FLRT2: variants seen among roughly 807,000 people sequenced by gnomAD.
FLRT2 encodes the protein leucine-rich repeat transmembrane protein FLRT2.
Under a neutral mutation model 40.0 loss-of-function variants are expected in FLRT2, and 15 were observed. The ratio of observed to expected loss-of-function variants is 0.38; its 90% confidence interval spans 0.25 to 0.58. The LOEUF (loss-of-function observed/expected upper bound fraction) is 0.58. Ranked by LOEUF, FLRT2 falls within the 20% of genes least tolerant of loss-of-function variation. The pLI is 0.71. For synonymous variants in FLRT2, 380 were observed against 336.8 expected (o/e 1.13, Z -1.41); for missense variants, 726 against 840.0 (o/e 0.86, Z 1.68).
Position 85,646,324 on chromosome 14 carries a change from C to T in FLRT2, c.*22827C>T, listed in dbSNP as rs2139405527. The T allele has an allele frequency of 6.6e-6, 1 of 152,264 alleles. No individual in the cohort carries two copies. The highest frequency in any genetic ancestry group is 1.9e-4 in the East Asian group (1 of 5,180). The allele number at this position is 152,264 out of a possible 1,614,324, so 9.4% of individuals were successfully genotyped here. On this transcript the variant is annotated 3_prime_UTR_variant, in exon 2 of 2. Transcript: ENST00000330753. ...CTGAATTAGTGGCCAATACCTGGCC[C>T]TTTTTGTCTGTAGTTAAATGTGATG...
intron 1 of FLRT2, among the ~76,000 whole-genome samples, chr14:85,618,383 C>T (rs1893227854): frequency 6.6e-6 from 1 of 152,160 alleles, no homozygotes; most frequent in African/African-American, 2.4e-5. Flanking sequence ...AAAAACATTA[C>T]ATTTTATTCT....
chr14:85,607,064 T>TA, intron 1 of FLRT2, among the ~76,000 whole-genome samples: 1 of 152,172 alleles, frequency 6.6e-6, no homozygotes, highest in Middle Eastern at 3.4e-3. Flanking sequence ...AAGGTTTTTT[T>TA]AAATCTCTTT....
intron 1 of FLRT2, among the ~76,000 whole-genome samples, chr14:85,544,250 A>G (rs1225558692): frequency 2.0e-5 from 3 of 152,194 alleles, no homozygotes; most frequent in Non-Finnish European, 4.4e-5. Context: ...CAAACCACAC[A>G]TGAGGCAATT....
chr14:85,593,515 G>C (rs1320103638), intron 1 of FLRT2, among the ~76,000 whole-genome samples: 1 of 152,200 alleles, frequency 6.6e-6, no homozygotes, highest in Admixed American at 6.5e-5. Context: ...GTGAGTGCCA[G>C]TAGGGTTTTC....
intron 1 of FLRT2, chr14:85,551,774 C>T (rs898855931): frequency 2.0e-5 from 3 of 152,168 alleles, no homozygotes; most frequent in African/African-American, 7.2e-5. Flanking sequence ...TGGTGAGAAA[C>T]TTGAAGGTGA....
In FLRT2 at chr14:85,654,022, T is replaced by C. The variant is rs1214368432; in HGVS notation, c.*30525T>C. 1 of 152,190 alleles carries C rather than the reference T, an allele frequency of 6.6e-6. No individual in the cohort carries two copies. The highest frequency in any genetic ancestry group is 1.5e-5 in the Non-Finnish European group (1 of 68,034). 9.4% of individuals were successfully genotyped at this position (152,190 alleles called of 1,614,324 possible). ...TTGTATTAATGGATTTAGTGTCATG[T>C]ATGGTCTTGTTTTTTGAGGTCGTCT... On this transcript the variant is annotated 3_prime_UTR_variant, in exon 2 of 2. Coordinates refer to ENST00000330753, the MANE Select transcript of FLRT2 (RefSeq NM_013231.6).
intron 1 of FLRT2, among the ~76,000 whole-genome samples, chr14:85,545,865 G>A (rs1594997636): frequency 6.6e-6 from 1 of 152,148 alleles, no homozygotes; most frequent in East Asian, 1.9e-4. Context: ...TTTCCCTGTG[G>A]AGGTGATAAT....
At chr14:85,552,043 C>T (rs1242554706) in intron 1 of FLRT2, among the ~76,000 whole-genome samples, 1 of 152,122 alleles carries the variant, frequency 6.6e-6, no homozygotes, top group African/African-American at 2.4e-5. Flanking sequence ...ATGGGGGATA[C>T]TCAAAATATC....
intron 1 of FLRT2, among the ~76,000 whole-genome samples, chr14:85,609,671 G>A (rs1892774899): frequency 6.6e-6 from 1 of 152,230 alleles, no homozygotes; most frequent in Non-Finnish European, 1.5e-5. Flanking sequence ...CAGAGCATGA[G>A]TGGGCACCTG....
At position 85,584,096 on chromosome 14, in the gene FLRT2, C is replaced by A. The variant is rs141480380; in HGVS notation, c.-376-37043C>A. On this transcript the variant is annotated intron_variant, in intron 1 of 1. Transcript: ENST00000330753. ...TCAGAGAATATGGGCTGCCTCACTT[C>A]CTCACCAGTGAGTTTGCAGGCTCAG... Among the ~76,000 whole-genome samples, 375 of 152,240 alleles carry A rather than the reference C, an allele frequency of 2.5e-3. 4 individuals are homozygous for A. Among genetic ancestry groups the A allele is most frequent in the African/African-American group, 8.5e-3 (352 of 41,552 alleles).
At chr14:85,581,971 G>A (rs1403963445) in intron 1 of FLRT2, among the ~76,000 whole-genome samples, 2 of 152,174 alleles carry the variant, frequency 1.3e-5, no homozygotes, top group African/African-American at 4.8e-5. Context: ...CTGGTTGACA[G>A]CTGTGTCTGT....
chr14:85,600,070 G>C (rs1892314526), intron 1 of FLRT2, among the ~76,000 whole-genome samples: 1 of 152,174 alleles, frequency 6.6e-6, no homozygotes, highest in Admixed American at 6.5e-5. Context: ...CTCATTTATG[G>C]GGGTAGCTAT....
chr14:85,638,897 TA>T lies in FLRT2; in HGVS notation c.*15406del, dbSNP rs1468757808. The T allele has an allele frequency of 1.3e-5, 2 of 152,146 alleles. No individual in the cohort carries two copies. The highest frequency in any genetic ancestry group is 2.9e-5 in the Non-Finnish European group (2 of 68,026). 9.4% of individuals were successfully genotyped at this position (152,146 alleles called of 1,614,324 possible). A position where few individuals can be genotyped will look rare whatever the true frequency, so the allele number is the denominator to read the frequency against. On this transcript the variant is annotated 3_prime_UTR_variant, in exon 2 of 2. Transcript: ENST00000330753. Reference sequence around the variant, plus strand: ...TTGTTATATGCTAAAAATAAAAGATTAAAAAACATACAGTGCAAAAAAGCAA... The same window carrying T: ...TTGTTATATGCTAAAAATAAAAGATTAAAAACATACAGTGCAAAAAAGCAA...
In FLRT2 at chr14:85,622,837, G is replaced by C; in HGVS notation, c.1323G>C (p.Trp441Cys). 1 of 1,614,106 alleles carries C rather than the reference G, an allele frequency of 6.2e-7. No homozygotes were observed. Among genetic ancestry groups the C allele is most frequent in the Non-Finnish European group, 8.5e-7 (1 of 1,180,032 alleles). ...ATGATACTTCCATTCAAGTCAGCTG[G>C]CTCTCTCTCTTCACCGTGATGGCAT... is the stretch of plus-strand genomic sequence containing the variant. ...FVNDTSIQVS[W>C]LSLFTVMAYK... Residue 441 changes from tryptophan (W) to cysteine (C), a missense_variant, in exon 2 of 2, where the codon TGG becomes TGC. By Grantham distance (215) the Trp-to-Cys change is radical. This residue lies in a region of FLRT2 where 611 missense variants were observed against 690.0 expected (regional missense o/e 0.89). Coordinates refer to ENST00000330753, the MANE Select transcript of FLRT2 (RefSeq NM_013231.6).
chr14:85,565,709 A>G (rs1890586979), intron 1 of FLRT2, among the ~76,000 whole-genome samples: 2 of 152,110 alleles, frequency 1.3e-5, no homozygotes, highest in Admixed American at 6.6e-5. Flanking sequence ...TGCTTGAAAG[A>G]CTCTTGGAAG....
At chr14:85,570,516 T>C (rs6574832) in intron 1 of FLRT2, among the ~76,000 whole-genome samples, 117,735 of 151,310 alleles carry the variant, frequency 0.78, 46,057 homozygotes, top group East Asian at 0.81. Context: ...TTTACAGACT[T>C]TTTTAGGTTT....
rs192421849 is a variant in FLRT2 at position 85,608,527 on chromosome 14, C to A, written c.-376-12612C>A. On this transcript the variant is annotated intron_variant, in intron 1 of 1. Coordinates refer to ENST00000330753, the MANE Select transcript of FLRT2 (RefSeq NM_013231.6). ...AGGATTACAGGCATGAGCCACCTTG[C>A]CCAGCTGATAAATGATTATTGAATA... 2.0e-3 allele frequency among the ~76,000 whole-genome samples: 309 copies of A among 152,222 alleles called. 4 individuals are homozygous for A. Among genetic ancestry groups the A allele is most frequent in the African/African-American group, 7.3e-3 (303 of 41,552 alleles).
At chr14:85,539,831 G>A (rs1055767288) in intron 1 of FLRT2, among the ~76,000 whole-genome samples, 3 of 152,210 alleles carry the variant, frequency 2.0e-5, no homozygotes, top group Admixed American at 1.3e-4. Flanking sequence ...CCAAGACAGA[G>A]TCCTGCCTTT....
chr14:85,562,315 AC>A lies in FLRT2; in HGVS notation c.-377+31782del, dbSNP rs200153509. Among the ~76,000 whole-genome samples, 5 of 152,238 alleles carry A rather than the reference AC, an allele frequency of 3.3e-5. No homozygotes were observed. The East Asian group carries it at 9.7e-4, about 29-fold the overall frequency. ...ATTTCTGACAGTTAAATCCAAAGTA[AC>A]TCAAATGCTACATAACATTTTTACA... On this transcript the variant is annotated intron_variant, in intron 1 of 1. Transcript: ENST00000330753.
Sources: gnomAD v4.1 joint callset for allele counts (sites outside exome capture counted in the v4.1 genomes callset) on GRCh38, gnomAD v4.1.1 for gene constraint, gnomAD v4.1.1 regional missense constraint, MANE v1.5 for transcripts, NCBI Gene and HGNC (gene_info 2026-07-23, HGNC 2026-07-21) for gene names.